The following RTN4 variants were observed in gnomAD, a reference collection of about 807,000 sequenced individuals.
RTN4 encodes the protein reticulon-4.
In RTN4, 32 loss-of-function variants were observed where a neutral mutation model predicts 90.4. The ratio of observed to expected loss-of-function variants is 0.35; its 90% CI spans 0.27 to 0.48. The LOEUF is 0.48. Among genes scored for constraint, RTN4 ranks in the 20% least tolerant of loss-of-function variants. The pLI, the probability that RTN4 is intolerant of heterozygous loss-of-function variation, is 0.99. For missense variants in RTN4, 1,706 were observed against 1,430.2 expected (o/e 1.19, Z -3.11); for synonymous variants, 629 against 552.5 (o/e 1.14, Z -1.94).
intron 1 of RTN4, among the ~76,000 whole-genome samples, chr2:55,046,212 C>T (rs751162354): frequency 6.6e-6 from 1 of 152,184 alleles, no homozygotes; most frequent in African/African-American, 2.4e-5. Context: ...CACATCAGTC[C>T]TCTCAGTAGC....
At chr2:55,112,021 A>G (rs910753984) in intron 1 of RTN4, among the ~76,000 whole-genome samples, 1 of 152,122 alleles carries the variant, frequency 6.6e-6, no homozygotes, top group African/African-American at 2.4e-5. Flanking sequence ...GGCGACACTC[A>G]AGAGGAAGCA....
At chr2:55,085,315 C>T (rs764413205) in intron 1 of RTN4, among the ~76,000 whole-genome samples, 11 of 144,670 alleles carry the variant, frequency 7.6e-5, no homozygotes, top group Non-Finnish European at 1.2e-4. Flanking sequence ...ACATATACAC[C>T]CACACACACA....
chr2:54,994,290 AG>A (rs1181476006), intron 3 of RTN4, among the ~76,000 whole-genome samples: 1 of 152,232 alleles, frequency 6.6e-6, no homozygotes, highest in Non-Finnish European at 1.5e-5. Context: ...GGAAAACTAC[AG>A]ATAAATATCC....
At chr2:55,030,903 T>C (rs918560931) in intron 1 of RTN4, among the ~76,000 whole-genome samples, 4 of 152,178 alleles carry the variant, frequency 2.6e-5, no homozygotes, top group African/African-American at 7.2e-5. Context: ...AAATATTGCA[T>C]TGATCAATTG....
chr2:55,054,281 CATCT>C (rs1316874327), upstream of RTN4, among the ~76,000 whole-genome samples: 3 of 152,122 alleles, frequency 2.0e-5, no homozygotes, highest in Non-Finnish European at 4.4e-5. Flanking sequence ...ATCCACCTCT[CATCT>C]TTCTTATCTT....
intron 1 of RTN4, among the ~76,000 whole-genome samples, chr2:55,046,335 C>A (rs1020288215): frequency 7.9e-5 from 12 of 152,090 alleles, no homozygotes; most frequent in Non-Finnish European, 1.6e-4. Flanking sequence ...TTAGAGACCC[C>A]CAATGATCTG....
the RTN4 span, among the ~76,000 whole-genome samples, chr2:55,128,058 G>A: frequency 1.3e-5 from 2 of 151,810 alleles, no homozygotes; most frequent in African/African-American, 4.8e-5. Flanking sequence ...TTGTAGAGGC[G>A]AGATCTTCCC....
chr2:55,050,499 T>G (rs1017618253), upstream of RTN4: 1 of 399,782 alleles, frequency 2.5e-6, no homozygotes, highest in Non-Finnish European at 4.4e-6. The surrounding 1 kb of genome is among the most constrained non-coding windows in gnomAD (Gnocchi z 4.6). Flanking sequence ...ACCCGCCCTG[T>G]CCCCACTTGC....
At chr2:54,990,872 G>A (rs901850762) in intron 3 of RTN4, among the ~76,000 whole-genome samples, 1 of 151,810 alleles carries the variant, frequency 6.6e-6, no homozygotes, top group African/African-American at 2.4e-5. Flanking sequence ...TGCAAGCTCC[G>A]CCTCCCAGGT....
chr2:54,978,187 T>C (rs142605778), intron 5 of RTN4, among the ~76,000 whole-genome samples: 5,588 of 152,272 alleles, frequency 0.037, 351 homozygotes, highest in African/African-American at 0.12. Flanking sequence ...CCCAGCACTC[T>C]GGGAGGCCAA....
the RTN4 span, among the ~76,000 whole-genome samples, chr2:55,123,506 C>T: frequency 6.6e-6 from 1 of 151,760 alleles, no homozygotes; most frequent in Non-Finnish European, 1.5e-5. Context: ...CTTGTATTTG[C>T]CAAAAATGAC....
At chr2:55,013,753 CT>C (rs1680826129) in intron 3 of RTN4, among the ~76,000 whole-genome samples, 1 of 152,140 alleles carries the variant, frequency 6.6e-6, no homozygotes, top group African/African-American at 2.4e-5. Flanking sequence ...GACATTCTTC[CT>C]TTTCCATTTC....
chr2:55,111,106 GA>G lies in RTN4; in HGVS notation c.-214+1413del, dbSNP rs1668031425. Among the ~76,000 whole-genome samples the G allele has an allele frequency of 2.0e-5, 3 of 151,980 alleles. 1 individual carries two copies. In the South Asian group the frequency reaches 6.2e-4, roughly 31 times the overall value. On this transcript the variant is annotated intron_variant, in intron 1 of 3. Transcript: ENST00000427710. ...GGGATAAGGTCTGAAAAAAAGAAAA[GA>G]ATAAAAACAAAATAAAAACAAATTG...
chr2:54,973,249 A>AAAT (rs758383580), intron 8 of RTN4, 51 bp from the exon 9 acceptor site: 6 of 1,430,842 alleles, frequency 4.2e-6, no homozygotes, highest in African/African-American at 2.8e-5. Flanking sequence ...CTGCTGCTTA[A>AAAT]AATACCATCT....
intron 1 of RTN4, among the ~76,000 whole-genome samples, chr2:55,094,201 G>C (rs1427018674): frequency 6.6e-6 from 1 of 152,162 alleles, no homozygotes; most frequent in Non-Finnish European, 1.5e-5. Flanking sequence ...CTTCTAAGGA[G>C]AGATCTCTCT....
chr2:55,062,320 GCTGA>G (rs1351213946), intron 2 of RTN4, among the ~76,000 whole-genome samples: 4 of 152,038 alleles, frequency 2.6e-5, no homozygotes, highest in East Asian at 3.9e-4. Context: ...GTCTAATTGA[GCTGA>G]CTAACACAAG....
At chr2:55,136,392 G>A in the RTN4 span, among the ~76,000 whole-genome samples, 8 of 152,348 alleles carry the variant, frequency 5.3e-5, no homozygotes, top group South Asian at 1.7e-3. Context: ...ACAAATCCCA[G>A]AACCATGCCA....
intron 1 of RTN4, among the ~76,000 whole-genome samples, chr2:55,111,248 A>T (rs1359701143): frequency 3.9e-5 from 6 of 152,146 alleles, no homozygotes; most frequent in Non-Finnish European, 8.8e-5. Flanking sequence ...AAAAAAAAAA[A>T]TTCACTTTAA....
chr2:54,979,347 T>C (rs1360110906), intron 5 of RTN4, among the ~76,000 whole-genome samples: 2 of 152,202 alleles, frequency 1.3e-5, no homozygotes, highest in South Asian at 2.1e-4. Context: ...CGTGAGCTAC[T>C]GTGCATGGCC....
Sources: gnomAD v4.1 joint callset for allele counts (sites outside exome capture counted in the v4.1 genomes callset) on GRCh38, gnomAD v4.1.1 for gene constraint, Gnocchi (gnomAD v3.1) non-coding constraint, MANE v1.5 for transcripts, NCBI Gene and HGNC (gene_info 2026-07-23, HGNC 2026-07-21) for gene names.